Variants in HGSNAT observed in about 807,000 individuals in gnomAD.
The protein encoded by HGSNAT is heparan-alpha-glucosaminide N-acetyltransferase.
Under a neutral mutation model 85.2 loss-of-function variants are expected in HGSNAT, and 59 were observed. That is an observed-to-expected ratio of 0.69 (90% CI 0.56 to 0.86). The LOEUF is 0.86. HGSNAT is among the 40% of genes least tolerant of loss of function. The pLI is 0.00. For missense variants in HGSNAT, 756 were observed against 777.1 expected, an observed-to-expected ratio of 0.97 and a Z score of 0.32; for synonymous variants, 321 against 304.5, an observed-to-expected ratio of 1.05 and a Z score of -0.56.
At chr8:43,156,724 A>T (rs923990605) in intron 2 of HGSNAT, among the ~76,000 whole-genome samples, 1 of 152,174 alleles carries the variant, frequency 6.6e-6, no homozygotes, top group Non-Finnish European at 1.5e-5. Context: ...TATAACTGTT[A>T]CATCTTCCTG....
intron 11 of HGSNAT, among the ~76,000 whole-genome samples, chr8:43,185,638 C>T (rs981125910): frequency 6.6e-6 from 1 of 152,162 alleles, no homozygotes; most frequent in African/African-American, 2.4e-5. Flanking sequence ...TTTCTTTCTC[C>T]TGCCTGATTG....
At chr8:43,141,347 C>T (rs571486880) in intron 1 of HGSNAT, among the ~76,000 whole-genome samples, 1 of 152,150 alleles carries the variant, frequency 6.6e-6, no homozygotes, top group Admixed American at 6.5e-5. Flanking sequence ...TTGCCCCGGG[C>T]CCCGGACCCC....
intron 2 of HGSNAT, among the ~76,000 whole-genome samples, chr8:43,148,983 G>C (rs1408354498): frequency 1.3e-5 from 2 of 151,678 alleles, no homozygotes; most frequent in Admixed American, 6.6e-5. Context: ...ACGCACAGTG[G>C]TGTGTGCCTG....
intron 11 of HGSNAT, chr8:43,182,531 C>A (rs1804165649): frequency 4.4e-6 from 2 of 454,462 alleles, no homozygotes. Context: ...GAAGCCTCAA[C>A]ATCCCAGGCT....
intron 9 of HGSNAT, among the ~76,000 whole-genome samples, chr8:43,176,531 T>G (rs893146586): frequency 5.3e-5 from 8 of 152,178 alleles, no homozygotes; most frequent in African/African-American, 1.9e-4. Context: ...CTACGCTGGG[T>G]CTTTTGTGGT....
chr8:43,156,191 T>C (rs1803089506), intron 2 of HGSNAT, among the ~76,000 whole-genome samples: 2 of 152,266 alleles, frequency 1.3e-5, no homozygotes, highest in South Asian at 4.1e-4. Context: ...CTCTTAGAAC[T>C]GGTTTTGCTG....
chr8:43,145,776 G>C (rs1412108651), intron 1 of HGSNAT, among the ~76,000 whole-genome samples: 2 of 151,978 alleles, frequency 1.3e-5, no homozygotes, highest in Non-Finnish European at 2.9e-5. Flanking sequence ...AAGAGGGATT[G>C]AGCTGGCTAC....
At chr8:43,187,777 G>T (rs1021614344) in intron 11 of HGSNAT, among the ~76,000 whole-genome samples, 4 of 152,146 alleles carry the variant, frequency 2.6e-5, no homozygotes. Flanking sequence ...GCAGTGTCTG[G>T]TACCGGTTGT....
At chr8:43,148,126 C>T (rs992652650) in intron 2 of HGSNAT, among the ~76,000 whole-genome samples, 4 of 151,840 alleles carry the variant, frequency 2.6e-5, no homozygotes, top group Non-Finnish European at 5.9e-5. Flanking sequence ...CTTGTAATCC[C>T]AGCTACTTGG....
intron 14 of HGSNAT, chr8:43,194,571 G>A (rs540874654): frequency 1.0e-6 from 1 of 959,728 alleles, no homozygotes; most frequent in African/African-American, 1.8e-5. Context: ...CAGTAACACT[G>A]CAGGTTCATT....
At chr8:43,179,814 T>A in intron 10 of HGSNAT, among the ~76,000 whole-genome samples, 1 of 33,436 alleles carries the variant, frequency 3.0e-5, no homozygotes, top group South Asian at 2.3e-3. Context: ...ACCTCCCGGA[T>A]GGGGCGGCTG....
In HGSNAT at chr8:43,158,816, G is replaced by A. The variant is rs1803176149; in HGVS notation, c.371+105G>A. ...TACAGTATTTTTCTTTATCTTTTCTGGTCCGTACCCAGGAACATGTATTAT... is the reference window on the plus strand; with the variant it reads ...TACAGTATTTTTCTTTATCTTTTCTAGTCCGTACCCAGGAACATGTATTAT... On this transcript the variant is annotated intron_variant, in intron 3 of 17. Coordinates refer to ENST00000379644, the MANE Select transcript of HGSNAT (RefSeq NM_152419.3). The A allele has an allele frequency of 4.0e-6, 6 of 1,495,354 alleles. No individual in the cohort carries two copies. The South Asian group carries it at 8.1e-5, about 20-fold the overall frequency. The allele number at this position is 1,495,354 out of a possible 1,614,324, so 92.6% of individuals were successfully genotyped here. A position where few individuals can be genotyped will look rare whatever the true frequency, so the allele number is the denominator to read the frequency against.
At chr8:43,157,404 G>C (rs190451138) in intron 2 of HGSNAT, among the ~76,000 whole-genome samples, 2 of 152,024 alleles carry the variant, frequency 1.3e-5, no homozygotes, top group Non-Finnish European at 2.9e-5. Flanking sequence ...CATTTGTAAC[G>C]GGAGCTATTA....
rs896001039 is a variant in HGSNAT, at chr8:43,159,078, G to C, written c.493+34G>C. 4.4e-6 allele frequency: 7 copies of C among 1,591,586 alleles called. No individual in the cohort carries two copies. In the African/African-American group the frequency reaches 9.4e-5, roughly 21 times the overall value. On this transcript the variant is annotated intron_variant, in intron 4 of 17. Transcript: ENST00000379644. The stretch of plus-strand genomic sequence containing the variant: ...ATGTTCTCTGCTGATTTTCACATTT[G>C]CATTTTCAGAGGTTTCAGTTTTTGA...
intron 11 of HGSNAT, among the ~76,000 whole-genome samples, chr8:43,188,263 G>A (rs554409847): frequency 4.6e-5 from 7 of 152,110 alleles, no homozygotes; most frequent in Non-Finnish European, 7.4e-5. Context: ...TGTTCTCCCC[G>A]TCACTTTCAG....
At chr8:43,177,557 C>CA (rs11291112) in intron 9 of HGSNAT, among the ~76,000 whole-genome samples, 172 of 80,306 alleles carry the variant, frequency 2.1e-3, no homozygotes, top group East Asian at 5.1e-3. Context: ...GACTCCGTCT[C>CA]AAAAAAAAAA....
chr8:43,141,977 G>T (rs1247348551), intron 1 of HGSNAT, among the ~76,000 whole-genome samples: 2 of 152,146 alleles, frequency 1.3e-5, no homozygotes, highest in Admixed American at 6.5e-5. Context: ...GGACCGCAAG[G>T]CTTTCCCTGT....
At chr8:43,192,470 C>T (rs770590563) in intron 13 of HGSNAT, 40 bp downstream of exon 13, 1 of 1,555,562 alleles carries the variant, frequency 6.4e-7, no homozygotes, top group Non-Finnish European at 8.7e-7. Context: ...GGAACTCAGG[C>T]TTTCAGAAGT....
intron 2 of HGSNAT, among the ~76,000 whole-genome samples, chr8:43,153,966 A>G (rs1803004679): frequency 6.6e-6 from 1 of 152,212 alleles, no homozygotes; most frequent in Non-Finnish European, 1.5e-5. Context: ...AGTTAGGTTG[A>G]TTCCATATCT....
Sources: allele counts gnomAD v4.1 joint callset (sites outside exome capture counted in the v4.1 genomes callset), GRCh38; gene constraint gnomAD v4.1.1; transcripts MANE v1.5; gene names NCBI Gene and HGNC (gene_info 2026-07-23, HGNC 2026-07-21).